The following CPSF7 variants were observed in gnomAD, a reference collection of about 807,000 sequenced individuals.
The protein encoded by CPSF7 is cleavage and polyadenylation specific factor 7, also known as cleavage and polyadenylation specificity factor subunit 7.
CPSF7 carries 1 observed loss-of-function variant against 44.3 expected under a neutral mutation model. The ratio of observed to expected loss-of-function variants is 0.02; its 90% CI spans 0.01 to 0.11. The LOEUF (loss-of-function observed/expected upper bound fraction) is 0.11. Ranked by LOEUF, CPSF7 falls within the 10% of genes least tolerant of loss-of-function variation. The pLI, the probability that CPSF7 is intolerant of heterozygous loss-of-function variation, is 1.00. For missense variants in CPSF7, 443 were observed against 607.2 expected, an observed-to-expected ratio of 0.73 and a Z score of 2.84; for synonymous variants, 202 against 222.0, an observed-to-expected ratio of 0.91 and a Z score of 0.80.
At chr11:61,410,326 C>A (rs1241263845) in intron 9 of CPSF7, among the ~76,000 whole-genome samples, 1 of 152,208 alleles carries the variant, frequency 6.6e-6, no homozygotes, top group African/African-American at 2.4e-5. Context: ...TCAAACAATC[C>A]TCCCATCTTG....
At chr11:61,416,585 C>T (rs1590701424) in intron 5 of CPSF7, 66 bp from the exon 6 acceptor site, 1 of 1,513,864 alleles carries the variant, frequency 6.6e-7, no homozygotes, top group East Asian at 2.3e-5. Flanking sequence ...ACCAGTTCAT[C>T]CTTCAGAAGT....
chr11:61,412,614 A>G lies in CPSF7; in HGVS notation c.1058-677T>C, dbSNP rs114482848. Among the ~76,000 whole-genome samples the G allele has an allele frequency of 2.3e-3, 348 of 152,256 alleles. 1 individual carries two copies. The highest frequency in any genetic ancestry group is 7.9e-3 in the African/African-American group (329 of 41,566). Reference sequence around the variant, plus strand: ...AGTGTTGTTTGTTATATTATCTTCAATAGGGTCTGGCTATATAAAGGAACA... The same window carrying G: ...AGTGTTGTTTGTTATATTATCTTCAGTAGGGTCTGGCTATATAAAGGAACA... On this transcript the variant is annotated intron_variant, in intron 7 of 9. Transcript: ENST00000439958.
intron 7 of CPSF7, among the ~76,000 whole-genome samples, chr11:61,412,817 T>C (rs923769974): frequency 2.0e-5 from 3 of 152,230 alleles, no homozygotes; most frequent in Non-Finnish European, 4.4e-5. Flanking sequence ...AATATACTAA[T>C]TGAAACAAGC....
At chr11:61,429,534 G>A (rs975899388) in intron 1 of CPSF7, 1 of 563,448 alleles carries the variant, frequency 1.8e-6, no homozygotes, top group African/African-American at 2.0e-5. Context: ...AGCTGCCTAT[G>A]GCGCGACGGA....
At chr11:61,408,222 A>G (rs987350958) in intron 9 of CPSF7, among the ~76,000 whole-genome samples, 1 of 151,680 alleles carries the variant, frequency 6.6e-6, no homozygotes, top group Non-Finnish European at 1.5e-5. Context: ...ATGCCCGGCT[A>G]ATTTTTTTGT....
chr11:61,426,947 G>C (rs1441222641), intron 2 of CPSF7: 1 of 137,568 alleles, frequency 7.3e-6, no homozygotes, highest in Non-Finnish European at 1.5e-5. Flanking sequence ...AGAATCATTT[G>C]AACCTGGGAA....
chr11:61,429,262 G>A lies in CPSF7; in HGVS notation c.-27C>T, dbSNP rs902730834. The A allele has an allele frequency of 1.9e-6, 3 of 1,612,948 alleles. No individual in the cohort carries two copies. The highest frequency in any genetic ancestry group is 1.3e-5 in the African/African-American group (1 of 75,040). On this transcript the variant is annotated 5_prime_UTR_variant, in exon 2 of 10. Transcript: ENST00000439958. ...GCTCCGGAAGGAAGATCGCGAGTCCGGAGGATGGACAAAGTAAGGAAGATG... is the reference window on the plus strand; with the variant it reads ...GCTCCGGAAGGAAGATCGCGAGTCCAGAGGATGGACAAAGTAAGGAAGATG...
chr11:61,404,699 A>G lies in CPSF7; in HGVS notation c.*11T>C. ...ATTAAAAAAACATTTGCTTCCAACC[A>G]GACTCCTGCAATGAGAACATCAGAA... On this transcript the variant is annotated 3_prime_UTR_variant, in exon 10 of 10. Coordinates refer to ENST00000439958, the MANE Select transcript of CPSF7 (RefSeq NM_001142565.3). 6.6e-6 allele frequency: 1 copy of G among 152,284 alleles called. No homozygotes were observed. Among genetic ancestry groups the G allele is most frequent in the East Asian group, 1.9e-4 (1 of 5,194 alleles). 9.4% of individuals were successfully genotyped at this position (152,284 alleles called of 1,614,324 possible).
intron 9 of CPSF7, among the ~76,000 whole-genome samples, chr11:61,408,024 C>T (rs1859479389): frequency 6.6e-6 from 1 of 151,074 alleles, no homozygotes; most frequent in Non-Finnish European, 1.5e-5. Flanking sequence ...ATTACCATTA[C>T]TTTAGATCAA....
At chr11:61,415,917 G>T in intron 6 of CPSF7, 133 bp from the exon 7 acceptor site, 1 of 842,688 alleles carries the variant, frequency 1.2e-6, no homozygotes, top group Non-Finnish European at 1.9e-6. Context: ...ACCTGCTCCC[G>T]CATTTAATTA....
rs374940594 is a variant in CPSF7 at position 61,403,604 on chromosome 11, A to G, written c.*1106T>C. On this transcript the variant is annotated 3_prime_UTR_variant, in exon 10 of 10. Coordinates refer to ENST00000439958, the MANE Select transcript of CPSF7 (RefSeq NM_001142565.3). ...ACAGTCAAAAGGTGAAAAGACACCAAATTTGTGACTTTACCTGCCTACTAG... is the reference window on the plus strand; with the variant it reads ...ACAGTCAAAAGGTGAAAAGACACCAGATTTGTGACTTTACCTGCCTACTAG... 1.3e-5 allele frequency: 2 copies of G among 152,284 alleles called. No individual in the cohort carries two copies. The highest frequency in any genetic ancestry group is 2.4e-5 in the African/African-American group (1 of 41,556). 9.4% of individuals were successfully genotyped at this position (152,284 alleles called of 1,614,324 possible).
At chr11:61,419,302 G>A (rs1262751408) in intron 5 of CPSF7, among the ~76,000 whole-genome samples, 2 of 152,274 alleles carry the variant, frequency 1.3e-5, no homozygotes, top group East Asian at 1.9e-4. Flanking sequence ...GATTATAGGC[G>A]TGAGCCACCG....
At chr11:61,420,750 C>T in intron 3 of CPSF7, 177 bp from the exon 4 acceptor site, 1 of 607,140 alleles carries the variant, frequency 1.6e-6, no homozygotes, top group Non-Finnish European at 2.9e-6. Flanking sequence ...GAATTCCAAA[C>T]CCACTCACCC....
At chr11:61,427,427 G>C (rs1314976537) in intron 2 of CPSF7, 13 of 152,060 alleles carry the variant, frequency 8.5e-5, no homozygotes, top group Admixed American at 8.5e-4. Flanking sequence ...GGCTAAGGCG[G>C]GCGGATCACA....
In CPSF7 at chr11:61,411,045, G is replaced by A. The variant is rs1347847433; in HGVS notation, c.1287C>T (p.His429=). ...GATCTTCATTATGAAGCAGATCCCGGTGCCTCCTGCTGCTCTCCCGGGACC... is the reference window on the plus strand; with the variant it reads ...GATCTTCATTATGAAGCAGATCCCGATGCCTCCTGCTGCTCTCCCGGGACC... ...PSRSRESSRR[H]RDLLHNEDRH... is the part of the protein sequence containing the mutation. Residue 429 remains histidine, a synonymous_variant, in exon 9 of 10, where the codon CAC becomes CAT. Transcript: ENST00000439958. The A allele has an allele frequency of 6.2e-7, 1 of 1,613,486 alleles. No individual in the cohort carries two copies. The highest frequency in any genetic ancestry group is 1.1e-5 in the South Asian group (1 of 91,008).
Position 61,428,501 on chromosome 11 carries a change from T to C in CPSF7, c.54+681A>G, listed in dbSNP as rs533692911. Among the ~76,000 whole-genome samples, 61 of 152,260 alleles carry C rather than the reference T, an allele frequency of 4.0e-4. 1 individual carries two copies. The South Asian group carries it at 9.8e-3, about 24-fold the overall frequency. On this transcript the variant is annotated intron_variant, in intron 2 of 9. Coordinates refer to ENST00000439958, the MANE Select transcript of CPSF7 (RefSeq NM_001142565.3). ...TTGCCCAGCTCTAGATAAATTTCTG[T>C]ATAATGTTCCCTGGTACAATAAAAA...
chr11:61,415,993 A>C lies in CPSF7; in HGVS notation c.938+112T>G, dbSNP rs1263624045. The C allele has an allele frequency of 9.3e-6, 10 of 1,073,110 alleles. No individual in the cohort carries two copies. In the East Asian group the frequency reaches 2.4e-4, roughly 26 times the overall value. 66.5% of individuals were successfully genotyped at this position (1,073,110 alleles called of 1,614,324 possible). On this transcript the variant is annotated intron_variant, in intron 6 of 9. Coordinates refer to ENST00000439958, the MANE Select transcript of CPSF7 (RefSeq NM_001142565.3). ...CCAGGAGTCAATGCTATGATAACAGAATGTCTATAAGGGAAAGAACAAGGA... is the reference window on the plus strand; with the variant it reads ...CCAGGAGTCAATGCTATGATAACAGCATGTCTATAAGGGAAAGAACAAGGA...
chr11:61,426,117 C>G (rs555816192), intron 2 of CPSF7, among the ~76,000 whole-genome samples: 1 of 152,304 alleles, frequency 6.6e-6, no homozygotes, highest in South Asian at 2.1e-4. Context: ...GCAGCAAATG[C>G]TCTAAGAGAT....
chr11:61,407,717 T>C (rs1859449817), intron 9 of CPSF7, among the ~76,000 whole-genome samples: 1 of 152,232 alleles, frequency 6.6e-6, no homozygotes, highest in African/African-American at 2.4e-5. Flanking sequence ...ATTTTTCATC[T>C]TTCCACTTAC....
Sources: allele counts gnomAD v4.1 joint callset (sites outside exome capture counted in the v4.1 genomes callset), GRCh38; gene constraint gnomAD v4.1.1; transcripts MANE v1.5; gene names NCBI Gene and HGNC (gene_info 2026-07-23, HGNC 2026-07-21).